Variants in HERC1 observed in about 807,000 individuals in gnomAD.
HERC1 encodes the protein HECT and RLD domain containing E3 ubiquitin protein ligase family member 1.
In HERC1, 160 loss-of-function variants were observed where a neutral mutation model predicts 554.3. The ratio of observed to expected loss-of-function variants is 0.29; its 90% confidence interval spans 0.25 to 0.33. HERC1 has a LOEUF of 0.33. Ranked by LOEUF, HERC1 falls within the 10% of genes least tolerant of loss-of-function variation. HERC1 has a pLI of 1.00. For synonymous variants in HERC1, 2,175 were observed against 2,131.7 expected, an observed-to-expected ratio of 1.02 and a Z score of -0.56; for missense variants, 4,919 against 5,918.5, an observed-to-expected ratio of 0.83 and a Z score of 5.54.
In HERC1 at chr15:63,661,028, G is replaced by A; in HGVS notation, c.9171-3C>T. 6.2e-7 allele frequency: 1 copy of A among 1,607,532 alleles called. No homozygotes were observed. Among genetic ancestry groups the A allele is most frequent in the Non-Finnish European group, 8.5e-7 (1 of 1,174,238 alleles). On this transcript the variant is annotated splice_polypyrimidine_tract_variant and splice_region_variant and intron_variant, in intron 45 of 77. Transcript: ENST00000443617. Reference sequence around the variant, plus strand: ...GATCTGGAGCTTGTCCCTTGTACCTGCACCAAACATGAAGAACATTGCATT... The same window carrying A: ...GATCTGGAGCTTGTCCCTTGTACCTACACCAAACATGAAGAACATTGCATT...
intron 25 of HERC1, among the ~76,000 whole-genome samples, chr15:63,706,539 A>G (rs931667008): frequency 1.3e-5 from 2 of 152,184 alleles, no homozygotes; most frequent in African/African-American, 2.4e-5. Context: ...AAAATAACTG[A>G]TTATTAACTC....
chr15:63,638,684 CATACAGTT>C lies in HERC1; in HGVS notation c.11967+19_11967+26del. ...AATCAAAACATTGACTGAGAACCAT[CATACAGTT>C]ATCTTCATCTTTACTGACCTCAGGT... On this transcript the variant is annotated intron_variant, in intron 62 of 77. Transcript: ENST00000443617. 1 of 1,600,572 alleles carries C rather than the reference CATACAGTT, an allele frequency of 6.2e-7. No homozygotes were observed. Among genetic ancestry groups the C allele is most frequent in the Non-Finnish European group, 8.6e-7 (1 of 1,167,738 alleles).
Position 63,632,763 on chromosome 15 carries a change from T to C in HERC1, c.12742A>G (p.Thr4248Ala). Residue 4248 changes from threonine (T) to alanine (A), a missense_variant, in exon 68 of 78, where the codon ACT becomes GCT. Thr to Ala is a moderately conservative substitution (Grantham distance 58, BLOSUM62 0). This residue lies in a region of HERC1 where 410 missense variants were observed against 467.0 expected (regional missense o/e 0.88). Coordinates refer to ENST00000443617, the MANE Select transcript of HERC1 (RefSeq NM_003922.4). ...TTGGTCAAAGCAACAGAAAACTGAG[T>C]TCCACAAGCAACCTTTTTTATTCCA... is the stretch of plus-strand genomic sequence containing the variant. Reference protein sequence around the residue: ...GIGIKKVACGTQFSVALTKDG... With the variant: ...GIGIKKVACGAQFSVALTKDG... 2 of 1,570,224 alleles carry C rather than the reference T, an allele frequency of 1.3e-6. No individual in the cohort carries two copies. Among genetic ancestry groups the C allele is most frequent in the Non-Finnish European group, 8.7e-7 (1 of 1,156,006 alleles).
chr15:63,796,330 G>A (rs770016091), intron 1 of HERC1, among the ~76,000 whole-genome samples: 2 of 152,010 alleles, frequency 1.3e-5, no homozygotes, highest in Non-Finnish European at 2.9e-5. Flanking sequence ...TGTGGATAAG[G>A]GTACTACTGA....
chr15:63,795,376 A>T (rs2076782447), intron 1 of HERC1, among the ~76,000 whole-genome samples: 1 of 152,194 alleles, frequency 6.6e-6, no homozygotes, highest in African/African-American at 2.4e-5. Context: ...CAGATTTCAG[A>T]AATGTGTATG....
chr15:63,612,520 G>C lies in HERC1; in HGVS notation c.14131C>G (p.Pro4711Ala), dbSNP rs749099790. The change falls in exon 77 of 78, where the codon CCT becomes GCT. Residue 4711 changes from proline to alanine, a missense_variant. By Grantham distance (27) the Pro-to-Ala change is conservative. This residue lies in a region of HERC1 where 284 missense variants were observed against 294.1 expected (regional missense o/e 0.97). Transcript: ENST00000443617. This position sits in a 1 kb window ranked among gnomAD's most constrained non-coding sequence, Gnocchi z 5.0. ...GTGAGGAGGGACAGCAGCGGCACAG[G>C]AACAATCCAGGACATCCCTTCTCGG... is the stretch of plus-strand genomic sequence containing the variant. The part of the protein sequence containing the change: ...AVREGMSWIV[P>A]VPLLSLLTAK... 4 of 1,613,982 alleles carry C rather than the reference G, an allele frequency of 2.5e-6. No individual in the cohort carries two copies. Among genetic ancestry groups the C allele is most frequent in the East Asian group, 2.2e-5 (1 of 44,880 alleles).
chr15:63,760,618 A>G (rs1167932587), intron 3 of HERC1, among the ~76,000 whole-genome samples: 5 of 151,968 alleles, frequency 3.3e-5, no homozygotes, highest in African/African-American at 1.2e-4. Context: ...AAGAGTAATG[A>G]AAGACAAAAA....
intron 1 of HERC1, among the ~76,000 whole-genome samples, chr15:63,825,765 A>G (rs1011506853): frequency 6.6e-6 from 1 of 152,054 alleles, no homozygotes; most frequent in African/African-American, 2.4e-5. Context: ...AAGAAAAATA[A>G]TAATTTTTTT....
chr15:63,637,370 A>T, intron 64 of HERC1, 135 bp downstream of exon 64: 1 of 726,944 alleles, frequency 1.4e-6, no homozygotes. Context: ...ACACATGCCT[A>T]AATAAGGATT....
chr15:63,672,789 G>T, intron 38 of HERC1, 95 bp from the exon 39 acceptor site: 1 of 784,618 alleles, frequency 1.3e-6, no homozygotes, highest in Non-Finnish European at 2.0e-6. Flanking sequence ...TAATTTAAAA[G>T]TTTCTAAATA....
chr15:63,648,035 C>T (rs2069449277), intron 55 of HERC1, 34 bp downstream of exon 55: 1 of 1,510,976 alleles, frequency 6.6e-7, no homozygotes, highest in Non-Finnish European at 9.0e-7. Context: ...ATATTTGTAT[C>T]CCATAAAATT....
In HERC1 at chr15:63,674,645, C is replaced by T; in HGVS notation, c.7543G>A (p.Ala2515Thr). 6.2e-7 allele frequency: 1 copy of T among 1,613,674 alleles called. No individual in the cohort carries two copies. Among genetic ancestry groups the T allele is most frequent in the Admixed American group, 1.7e-5 (1 of 59,966 alleles). Reference protein sequence around the residue: ...AVQLSYLYLGAMKSLSALLGC... With the variant: ...AVQLSYLYLGTMKSLSALLGC... The stretch of plus-strand genomic sequence containing the variant: ...AGAAGGGCACTAAGTGACTTCATAG[C>T]ACCGAGGTAAAGATAGGACAGCTGG... The change falls in exon 38 of 78, where the codon GCT becomes ACT. Residue 2515 changes from alanine to threonine, a missense_variant. Transcript: ENST00000443617.
At chr15:63,757,133 A>G (rs2075443581) in intron 4 of HERC1, among the ~76,000 whole-genome samples, 1 of 152,196 alleles carries the variant, frequency 6.6e-6, no homozygotes, top group African/African-American at 2.4e-5. Context: ...CCTATTTGAA[A>G]AAAAAATACA....
chr15:63,769,612 C>T (rs547567432), intron 2 of HERC1, among the ~76,000 whole-genome samples: 175 of 151,858 alleles, frequency 1.2e-3, no homozygotes, highest in Middle Eastern at 3.4e-3. Flanking sequence ...TCAGCACTTT[C>T]GGAGACTAAG....
At chr15:63,743,258 TTTTTC>T (rs1389626196) in intron 12 of HERC1, among the ~76,000 whole-genome samples, 76 of 95,024 alleles carry the variant, frequency 8.0e-4, no homozygotes, top group South Asian at 5.5e-3. Context: ...TCTTTTTTTC[TTTTTC>T]TTTTTTTTTT....
chr15:63,615,164 CTAAGGAGGAG>C (rs544341318), intron 76 of HERC1, among the ~76,000 whole-genome samples: 4 of 152,042 alleles, frequency 2.6e-5, no homozygotes, highest in African/African-American at 7.2e-5. Flanking sequence ...ACAAACAGGA[CTAAGGAGGAG>C]TAAGGAGGAG....
chr15:63,725,630 A>G, intron 17 of HERC1, 117 bp from the exon 18 acceptor site: 1 of 726,468 alleles, frequency 1.4e-6, no homozygotes, highest in Non-Finnish European at 2.3e-6. Context: ...TTTTATGATG[A>G]AAACACAAAT....
At chr15:63,619,686 TA>T (rs1443230696) in intron 74 of HERC1, among the ~76,000 whole-genome samples, 4 of 152,256 alleles carry the variant, frequency 2.6e-5, no homozygotes, top group African/African-American at 9.6e-5. Context: ...CTGTTTGGTC[TA>T]TTCAGAGATT....
chr15:63,806,395 G>A (rs140439274), intron 1 of HERC1, among the ~76,000 whole-genome samples: 2 of 152,024 alleles, frequency 1.3e-5, no homozygotes, highest in Non-Finnish European at 2.9e-5. Flanking sequence ...ATCACCCTAC[G>A]CTCACCAACA....
Sources: gnomAD v4.1 joint callset for allele counts (sites outside exome capture counted in the v4.1 genomes callset) on GRCh38, gnomAD v4.1.1 for gene constraint, gnomAD v4.1.1 regional missense constraint, Gnocchi (gnomAD v3.1) non-coding constraint, MANE v1.5 for transcripts, NCBI Gene and HGNC (gene_info 2026-07-23, HGNC 2026-07-21) for gene names.